Variants in NEO1 observed in about 807,000 individuals in gnomAD.
The protein encoded by NEO1 is neogenin.
A neutral mutation model predicts 159.7 loss-of-function variants in NEO1; 63 were observed. That is an observed-to-expected ratio of 0.39 (90% CI 0.32 to 0.49). The LOEUF (loss-of-function observed/expected upper bound fraction) is 0.49. Ranked by LOEUF, NEO1 falls within the 20% of genes least tolerant of loss-of-function variation. The pLI is 0.85. For synonymous variants in NEO1, 633 were observed against 662.0 expected (o/e 0.96, Z 0.67); for missense variants, 1,615 against 1,831.0 (o/e 0.88, Z 2.15).
At chr15:73,209,922 G>A (rs1007475856) in intron 7 of NEO1, among the ~76,000 whole-genome samples, 3 of 152,106 alleles carry the variant, frequency 2.0e-5, no homozygotes, top group Non-Finnish European at 2.9e-5. Context: ...AAAATCACAT[G>A]AACCCAGGAG....
intron 1 of NEO1, among the ~76,000 whole-genome samples, chr15:73,053,749 A>G (rs2067573371): frequency 1.3e-5 from 2 of 152,236 alleles, no homozygotes; most frequent in South Asian, 4.1e-4. Context: ...GCAAATTAGC[A>G]TGTAATCTGT....
intron 7 of NEO1, among the ~76,000 whole-genome samples, chr15:73,211,488 G>A (rs1251632218): frequency 6.6e-6 from 1 of 152,100 alleles, no homozygotes; most frequent in African/African-American, 2.4e-5. Flanking sequence ...AGGCCGAGGC[G>A]GGCGGATCAG....
intron 19 of NEO1, among the ~76,000 whole-genome samples, chr15:73,273,507 CA>C (rs1255727878): frequency 6.6e-6 from 1 of 152,128 alleles, no homozygotes; most frequent in Non-Finnish European, 1.5e-5. Flanking sequence ...CAGATAGATT[CA>C]TGGTTGTGAT....
chr15:73,213,941 G>A (rs1271674814), intron 7 of NEO1, among the ~76,000 whole-genome samples: 1 of 152,082 alleles, frequency 6.6e-6, no homozygotes, highest in African/African-American at 2.4e-5. Flanking sequence ...ACTGTTTTTT[G>A]ATTTTTTGAT....
intron 7 of NEO1, among the ~76,000 whole-genome samples, chr15:73,184,302 C>T (rs539589138): frequency 1.3e-5 from 2 of 152,068 alleles, no homozygotes; most frequent in South Asian, 2.1e-4. Context: ...ATTACAGGTG[C>T]GTGCCACCAT....
chr15:73,213,516 G>T (rs1351189589), intron 7 of NEO1, among the ~76,000 whole-genome samples: 1 of 152,132 alleles, frequency 6.6e-6, no homozygotes, highest in Non-Finnish European at 1.5e-5. Context: ...GAGAACATTT[G>T]ATGTTTGGTT....
At chr15:73,088,262 A>G (rs969086158) in intron 1 of NEO1, among the ~76,000 whole-genome samples, 1 of 152,002 alleles carries the variant, frequency 6.6e-6, no homozygotes, top group African/African-American at 2.4e-5. Flanking sequence ...TTTCTATGAG[A>G]CATCTTTGTA....
intron 8 of NEO1, 69 bp from the exon 9 acceptor site, chr15:73,244,275 A>G: frequency 1.3e-6 from 2 of 1,504,412 alleles, no homozygotes; most frequent in Non-Finnish European, 1.8e-6. Context: ...TGTGGAGTGG[A>G]AAATGAAACT....
At chr15:73,081,100 G>A (rs879578463) in intron 1 of NEO1, among the ~76,000 whole-genome samples, 1 of 152,098 alleles carries the variant, frequency 6.6e-6, no homozygotes, top group Non-Finnish European at 1.5e-5. Flanking sequence ...ACACAGACAT[G>A]TTCATTTTTG....
chr15:73,209,719 C>T (rs1396961300), intron 7 of NEO1, among the ~76,000 whole-genome samples: 8 of 152,210 alleles, frequency 5.3e-5, no homozygotes, highest in African/African-American at 1.7e-4. Context: ...TGGCCGGGCA[C>T]GGTGGCTCAC....
At chr15:73,202,855 A>G (rs1388627443) in intron 7 of NEO1, among the ~76,000 whole-genome samples, 3 of 152,198 alleles carry the variant, frequency 2.0e-5, no homozygotes, top group African/African-American at 7.2e-5. Flanking sequence ...CTAGCCTTAT[A>G]TAAGTAGAAA....
intron 1 of NEO1, among the ~76,000 whole-genome samples, chr15:73,063,816 G>A (rs2068083816): frequency 6.6e-6 from 1 of 152,200 alleles, no homozygotes; most frequent in African/African-American, 2.4e-5. Flanking sequence ...ATCATAGCCA[G>A]ATAATCTGTC....
chr15:73,088,100 T>A (rs1567165701), intron 1 of NEO1, among the ~76,000 whole-genome samples: 1 of 152,060 alleles, frequency 6.6e-6, no homozygotes, highest in East Asian at 1.9e-4. Context: ...TTAAAAAGTA[T>A]GTTTATATCT....
intron 7 of NEO1, among the ~76,000 whole-genome samples, chr15:73,233,647 G>A (rs952543141): frequency 2.6e-5 from 4 of 152,268 alleles, no homozygotes; most frequent in South Asian, 2.1e-4. Context: ...GCTGGATGCC[G>A]TTAAAGAGTT....
chr15:73,138,644 T>C (rs1455155457), intron 5 of NEO1, among the ~76,000 whole-genome samples: 9 of 151,644 alleles, frequency 5.9e-5, no homozygotes, highest in South Asian at 2.1e-4. Context: ...TAGTCCCAGC[T>C]ACTTGGGAGG....
chr15:73,155,234 ATGG>A (rs1185952231), intron 5 of NEO1, among the ~76,000 whole-genome samples: 5 of 151,068 alleles, frequency 3.3e-5, no homozygotes, highest in African/African-American at 9.8e-5. Flanking sequence ...GGTGATACTG[ATGG>A]TGGTGGTGGT....
chr15:73,294,081 TATTAAA>T (rs1418221803), intron 26 of NEO1, among the ~76,000 whole-genome samples: 2 of 152,162 alleles, frequency 1.3e-5, no homozygotes, highest in Non-Finnish European at 2.9e-5. Context: ...ACCTCAGGAT[TATTAAA>T]ATTAGGAAGC....
At chr15:73,221,466 A>G (rs1217002354) in intron 7 of NEO1, among the ~76,000 whole-genome samples, 5 of 151,406 alleles carry the variant, frequency 3.3e-5, no homozygotes, top group African/African-American at 9.8e-5. Context: ...AAGCTGTCAG[A>G]CAGGGACATT....
chr15:73,086,237 A>G (rs1008045208), intron 1 of NEO1, among the ~76,000 whole-genome samples: 4 of 152,156 alleles, frequency 2.6e-5, no homozygotes, highest in Non-Finnish European at 5.9e-5. Flanking sequence ...AGTTGACCAT[A>G]GTTGTGTGGG....
Sources: gnomAD v4.1 joint callset for allele counts (sites outside exome capture counted in the v4.1 genomes callset) on GRCh38, gnomAD v4.1.1 for gene constraint, MANE v1.5 for transcripts, NCBI Gene and HGNC (gene_info 2026-07-23, HGNC 2026-07-21) for gene names.